The following EXOSC10 variants were observed in gnomAD, a reference collection of about 807,000 sequenced individuals.
The protein encoded by EXOSC10 is exosome complex component 10.
A neutral mutation model predicts 126.6 loss-of-function variants in EXOSC10; 94 were observed. The ratio of observed to expected loss-of-function variants is 0.74; its 90% CI spans 0.63 to 0.88. The LOEUF (loss-of-function observed/expected upper bound fraction) is 0.88, where lower values mean the gene tolerates loss of function less well. Among genes scored for constraint, EXOSC10 ranks in the 40% least tolerant of loss-of-function variants. The probability of loss-of-function intolerance (pLI) is 0.00; values close to 1 mark genes in which losing one functional copy is unlikely to be tolerated. For missense variants in EXOSC10, 1,041 were observed against 1,100.5 expected (o/e 0.95, Z 0.77); for synonymous variants, 395 against 400.8 (o/e 0.99, Z 0.17).
At chr1:11,074,353 C>T in intron 17 of EXOSC10, 27 bp from the exon 18 acceptor site, 1 of 1,483,354 alleles carries the variant, frequency 6.7e-7, no homozygotes, top group Non-Finnish European at 9.4e-7. Context: ...AAAACGATCA[C>T]TAATGACCAT....
At chr1:11,074,368 A>G (rs767810362) in intron 17 of EXOSC10, 42 bp from the exon 18 acceptor site, 2 of 1,365,548 alleles carry the variant, frequency 1.5e-6, no homozygotes, top group East Asian at 2.3e-5. Context: ...GACCATGATC[A>G]TCTGTGACAT....
chr1:11,096,485 T>C (rs1313119622), intron 2 of EXOSC10, among the ~76,000 whole-genome samples: 1 of 148,732 alleles, frequency 6.7e-6, no homozygotes, highest in African/African-American at 2.5e-5. Flanking sequence ...TTTTTTTTTT[T>C]TTTTTTAAAG....
chr1:11,084,948 C>T lies in EXOSC10; in HGVS notation c.1090-2070G>A, dbSNP rs563500651. Reference sequence around the variant, plus strand: ...AGATCAGATAGTTGTAGATATATGGCGTTATTTCTGAGGGCTCTGTTCTGT... The same window carrying T: ...AGATCAGATAGTTGTAGATATATGGTGTTATTTCTGAGGGCTCTGTTCTGT... On this transcript the variant is annotated intron_variant, in intron 9 of 24. Transcript: ENST00000376936. Among the ~76,000 whole-genome samples, 369 of 152,168 alleles carry T rather than the reference C, an allele frequency of 2.4e-3. 2 individuals carry two copies. The highest frequency in any genetic ancestry group is 8.1e-3 in the African/African-American group (337 of 41,486).
chr1:11,078,264 C>CTTTTTTTTTTTTTTTTTTTT (rs1220119181), intron 14 of EXOSC10, among the ~76,000 whole-genome samples: 35 of 143,658 alleles, frequency 2.4e-4, no homozygotes, highest in African/African-American at 6.8e-4. Flanking sequence ...GACCCTGTTT[C>CTTTTTTTTTTTTTTTTTTTT]TTTTTTTTTT....
At chr1:11,088,093 G>A (rs775089516) in intron 7 of EXOSC10, 30 bp downstream of exon 7, 18 of 1,565,894 alleles carry the variant, frequency 1.1e-5, no homozygotes, top group Middle Eastern at 1.7e-4. Context: ...GCTACTACAC[G>A]GCACCTTTAA....
intron 9 of EXOSC10, among the ~76,000 whole-genome samples, chr1:11,086,984 G>A (rs1241611082): frequency 6.6e-6 from 1 of 152,136 alleles, no homozygotes; most frequent in Non-Finnish European, 1.5e-5. Flanking sequence ...CAGAACTGAA[G>A]GAAATAGAGA....
Position 11,080,555 on chromosome 1 carries a change from A to AG in EXOSC10, c.1587-7_1587-6insC, listed in dbSNP as rs1454403129. The AG allele has an allele frequency of 7.5e-5, 102 of 1,351,784 alleles. No homozygotes were observed. Among genetic ancestry groups the AG allele is most frequent in the Middle Eastern group, 7.4e-4 (3 of 4,042 alleles). The allele number at this position is 1,351,784 out of a possible 1,614,324, so 83.7% of individuals were successfully genotyped here. A position where few individuals can be genotyped will look rare whatever the true frequency, so the allele number is the denominator to read the frequency against. ...TGTGGTTTGGCAGTACATATCTGGA[A>AG]AAAAAAAAACACACACACACACACA... On this transcript the variant is annotated splice_region_variant and splice_polypyrimidine_tract_variant and intron_variant, in intron 12 of 24. Transcript: ENST00000376936.
chr1:11,081,439 G>A (rs1640162210), intron 10 of EXOSC10, among the ~76,000 whole-genome samples: 1 of 152,200 alleles, frequency 6.6e-6, no homozygotes, highest in African/African-American at 2.4e-5. Context: ...TTGGAGGCAG[G>A]GTAATGCGGT....
chr1:11,091,938 C>A (rs1302544171), intron 3 of EXOSC10, among the ~76,000 whole-genome samples: 1 of 152,132 alleles, frequency 6.6e-6, no homozygotes, highest in Non-Finnish European at 1.5e-5. Context: ...GATCCGCCCA[C>A]CTGAGCCTCC....
In EXOSC10 at chr1:11,068,527, G is replaced by C. The variant is rs116521948; in HGVS notation, c.2550+118C>G. The C allele has an allele frequency of 3.5e-3, 2,735 of 790,680 alleles. 74 individuals carry two copies. In the African/African-American group the frequency reaches 0.04, roughly 12 times the overall value. The allele number at this position is 790,680 out of a possible 1,614,324, so 49.0% of individuals were successfully genotyped here. ...ACTGTCTGCCCTTGGGAAGAAATGA[G>C]GTGAGGAAAAAGATATGCAAAGGAA... On this transcript the variant is annotated intron_variant, in intron 23 of 24. Coordinates refer to ENST00000376936, the MANE Select transcript of EXOSC10 (RefSeq NM_001001998.3).
Position 11,082,880 on chromosome 1 carries a change from T to C in EXOSC10, c.1090-2A>G. Reference sequence around the variant, plus strand: ...GTCTGAATCAGCACCATGAAAGACCTGAAAACAGAACCAAAGTCATGCAGT... The same window carrying C: ...GTCTGAATCAGCACCATGAAAGACCCGAAAACAGAACCAAAGTCATGCAGT... On this transcript the variant is annotated splice_acceptor_variant, in intron 9 of 24. Coordinates refer to ENST00000376936, the MANE Select transcript of EXOSC10 (RefSeq NM_001001998.3). LOFTEE classifies it high-confidence loss of function. 6.2e-7 allele frequency: 1 copy of C among 1,613,374 alleles called. No individual in the cohort carries two copies. Among genetic ancestry groups the C allele is most frequent in the African/African-American group, 1.3e-5 (1 of 75,056 alleles).
chr1:11,076,321 C>T (rs1639814302), intron 17 of EXOSC10, among the ~76,000 whole-genome samples: 1 of 151,808 alleles, frequency 6.6e-6, no homozygotes, highest in South Asian at 2.1e-4. Context: ...GCATTCCAGC[C>T]TTGGTGGCAG....
At chr1:11,076,238 C>T (rs1243072974) in intron 17 of EXOSC10, among the ~76,000 whole-genome samples, 1 of 151,972 alleles carries the variant, frequency 6.6e-6, no homozygotes, top group Non-Finnish European at 1.5e-5. Flanking sequence ...ATCCCAGCTA[C>T]TCAGGAGGCT....
intron 21 of EXOSC10, among the ~76,000 whole-genome samples, chr1:11,070,457 G>A (rs1639404851): frequency 6.7e-6 from 1 of 149,178 alleles, no homozygotes; most frequent in Non-Finnish European, 1.5e-5. Context: ...AAGAGTTTGA[G>A]GCTGTAGTGA....
intron 24 of EXOSC10, among the ~76,000 whole-genome samples, chr1:11,067,454 A>C (rs12569242): frequency 0.61 from 87,968 of 144,698 alleles, 29,892 homozygotes; most frequent in East Asian, 0.78. Context: ...AAAAAAAAAC[A>C]TTAGCCGGGC....
intron 19 of EXOSC10, chr1:11,072,620 A>C (rs1423161531): frequency 6.3e-6 from 1 of 158,112 alleles, no homozygotes; most frequent in Non-Finnish European, 1.4e-5. Flanking sequence ...GACACTGGGC[A>C]TAACACACAG....
At chr1:11,087,676 A>C in intron 8 of EXOSC10, 85 bp from the exon 9 acceptor site, 2 of 1,545,944 alleles carry the variant, frequency 1.3e-6, no homozygotes. Context: ...GTCAGCTACA[A>C]AGCTAAGTTA....
intron 3 of EXOSC10, among the ~76,000 whole-genome samples, chr1:11,092,646 T>A (rs910970964): frequency 1.3e-5 from 2 of 151,650 alleles, no homozygotes; most frequent in South Asian, 4.2e-4. Flanking sequence ...GCCTCCCGAG[T>A]ATCTGGGACT....
intron 20 of EXOSC10, 109 bp downstream of exon 20, chr1:11,071,978 A>C (rs1639523667): frequency 1.2e-6 from 1 of 832,934 alleles, no homozygotes; most frequent in African/African-American, 1.7e-5. Context: ...GCAGAAGGGA[A>C]GCCCCACAGG....
Sources: gnomAD v4.1 joint callset for allele counts (sites outside exome capture counted in the v4.1 genomes callset) on GRCh38, gnomAD v4.1.1 for gene constraint, MANE v1.5 for transcripts, NCBI Gene and HGNC (gene_info 2026-07-23, HGNC 2026-07-21) for gene names.